The following EFCAB7 variants were observed in gnomAD, a reference collection of about 807,000 sequenced individuals.
The protein encoded by EFCAB7 is EF-hand calcium binding domain 7.
Under a neutral mutation model 77.1 loss-of-function variants are expected in EFCAB7, and 66 were observed. The ratio of observed to expected loss-of-function variants is 0.86; its 90% CI spans 0.70 to 1.05. EFCAB7 has a LOEUF of 1.05. Ranked by LOEUF, EFCAB7 falls within the 50% of genes least tolerant of loss-of-function variation. The pLI is 0.00. For missense variants in EFCAB7, 638 were observed against 730.5 expected (o/e 0.87, Z 1.46); for synonymous variants, 225 against 243.3 (o/e 0.92, Z 0.70).
intron 8 of EFCAB7, among the ~76,000 whole-genome samples, chr1:63,553,287 A>G (rs115476222): frequency 0.033 from 5,017 of 152,240 alleles, 278 homozygotes; most frequent in African/African-American, 0.11. Context: ...CATCTAGCCA[A>G]TTTCAAAGGT....
At position 63,568,430 on chromosome 1, in the gene EFCAB7, G is replaced by C; in HGVS notation, c.1618G>C (p.Gly540Arg). The C allele has an allele frequency of 6.3e-7, 1 of 1,588,656 alleles. No individual in the cohort carries two copies. Among genetic ancestry groups the C allele is most frequent in the East Asian group, 2.3e-5 (1 of 43,534 alleles). Residue 540 changes from glycine to arginine, a missense_variant, in exon 12 of 14, where the codon GGT becomes CGT. Transcript: ENST00000371088. ...KAICKSVLSNGDAKVMDGYEN... is the reference protein window; with the variant it reads ...KAICKSVLSNRDAKVMDGYEN... ...CATTTGTAAATCTGTTCTTAGCAAC[G>C]GTGATGCCAAAGTAATGGATGGCTA... is the stretch of plus-strand genomic sequence containing the variant.
At chr1:63,547,066 C>T (rs1646907026) in intron 7 of EFCAB7, 1 of 152,022 alleles carries the variant, frequency 6.6e-6, no homozygotes, top group South Asian at 2.1e-4. Context: ...TTTTTCCCTC[C>T]TAAAGTAGAG....
chr1:63,557,422 C>A (rs1647045542), intron 10 of EFCAB7, among the ~76,000 whole-genome samples, 175 bp downstream of exon 10: 1 of 151,970 alleles, frequency 6.6e-6, no homozygotes. Context: ...TTTCTTAAAC[C>A]GATAGTTGGT....
At chr1:63,528,856 CCTT>C (rs1646643887) in intron 2 of EFCAB7, among the ~76,000 whole-genome samples, 1 of 152,110 alleles carries the variant, frequency 6.6e-6, no homozygotes, top group Non-Finnish European at 1.5e-5. Flanking sequence ...GTTAACCACT[CCTT>C]GATTCTTTGA....
intron 7 of EFCAB7, chr1:63,549,034 C>G (rs217486): frequency 0.35 from 84,986 of 239,486 alleles, 15,627 homozygotes; most frequent in East Asian, 0.47. Flanking sequence ...AAGAGTATAG[C>G]GCCACTATGA....
intron 10 of EFCAB7, among the ~76,000 whole-genome samples, chr1:63,561,001 A>T (rs566753260): frequency 6.6e-6 from 1 of 152,362 alleles, no homozygotes; most frequent in East Asian, 1.9e-4. Flanking sequence ...ATAGCTAACA[A>T]AATATCCATA....
intron 7 of EFCAB7, among the ~76,000 whole-genome samples, 181 bp from the exon 8 acceptor site, chr1:63,551,544 T>G (rs1450718224): frequency 6.6e-6 from 1 of 151,618 alleles, no homozygotes; most frequent in Non-Finnish European, 1.5e-5. Context: ...TGAACCAAGA[T>G]CGCACCACTG....
chr1:63,527,817 T>C (rs1348761004), intron 2 of EFCAB7: 1 of 152,204 alleles, frequency 6.6e-6, no homozygotes, highest in African/African-American at 2.4e-5. Context: ...AATATTTTCT[T>C]TGTTACTAAA....
intron 6 of EFCAB7, among the ~76,000 whole-genome samples, chr1:63,534,633 T>A (rs1646742097): frequency 6.6e-6 from 1 of 152,154 alleles, no homozygotes; most frequent in Non-Finnish European, 1.5e-5. Context: ...TTCTTTGTTT[T>A]CCCTTTCTAG....
chr1:63,548,914 G>C (rs955821665), intron 7 of EFCAB7: 1 of 154,834 alleles, frequency 6.5e-6, no homozygotes, highest in African/African-American at 2.4e-5. Context: ...TAGGTAGAAG[G>C]CAGGGTTGGC....
chr1:63,531,316 ATGT>A (rs60190636), intron 2 of EFCAB7, among the ~76,000 whole-genome samples: 27,293 of 151,984 alleles, frequency 0.18, 2,544 homozygotes, highest in Middle Eastern at 0.26. Flanking sequence ...TTCACTTAAC[ATGT>A]TGTCCTCCAG....
At position 63,556,747 on chromosome 1, in the gene EFCAB7, G is replaced by C. The variant is rs72918691; in HGVS notation, c.1215-367G>C. 2.4e-3 allele frequency among the ~76,000 whole-genome samples: 366 copies of C among 152,066 alleles called. 2 individuals carry two copies. The highest frequency in any genetic ancestry group is 8.5e-3 in the African/African-American group (351 of 41,452). On this transcript the variant is annotated intron_variant, in intron 9 of 13. Transcript: ENST00000371088. ...CCTCATAGAACCCTTCTTCAGCCAGGCGCGGTGGTTCACGCCTGTAATCCC... is the reference window on the plus strand; with the variant it reads ...CCTCATAGAACCCTTCTTCAGCCAGCCGCGGTGGTTCACGCCTGTAATCCC...
chr1:63,531,800 A>G lies in EFCAB7; in HGVS notation c.188-20A>G. 1 of 1,605,500 alleles carries G rather than the reference A, an allele frequency of 6.2e-7. No homozygotes were observed. Among genetic ancestry groups the G allele is most frequent in the Non-Finnish European group, 8.5e-7 (1 of 1,175,856 alleles). ...ATTCCAGGTGTTACAATCACAAATA[A>G]TACTTGTCTTGTTGGGCAGCTCTTC... is the stretch of plus-strand genomic sequence containing the variant. On this transcript the variant is annotated intron_variant, in intron 2 of 13. Coordinates refer to ENST00000371088, the MANE Select transcript of EFCAB7 (RefSeq NM_032437.4).
chr1:63,533,572 A>C lies in EFCAB7; in HGVS notation c.605A>C (p.Glu202Ala). 6.2e-7 allele frequency: 1 copy of C among 1,611,966 alleles called. No individual in the cohort carries two copies. Among genetic ancestry groups the C allele is most frequent in the Non-Finnish European group, 8.5e-7 (1 of 1,178,786 alleles). ...GGAAACCACATCGAAGGGTCCCCTG[A>C]AAGGGACCCATCACCAGTACCAAAA... ...QFGNHIEGSP[E>A]RDPSPVPKPS... Residue 202 changes from glutamate (E) to alanine (A), a missense_variant, in exon 5 of 14, where the codon GAA becomes GCA. Coordinates refer to ENST00000371088, the MANE Select transcript of EFCAB7 (RefSeq NM_032437.4).
chr1:63,529,432 T>C (rs1646654647), intron 2 of EFCAB7, among the ~76,000 whole-genome samples: 1 of 152,020 alleles, frequency 6.6e-6, no homozygotes. Flanking sequence ...TAAAATTTCT[T>C]GCCAGGCGCG....
intron 11 of EFCAB7, among the ~76,000 whole-genome samples, chr1:63,565,327 C>T (rs767655099): frequency 1.3e-5 from 2 of 151,808 alleles, no homozygotes; most frequent in Non-Finnish European, 2.9e-5. Flanking sequence ...TCACTGCACT[C>T]CAGCCTGGGC....
intron 7 of EFCAB7, chr1:63,550,513 T>C (rs1241169471): frequency 6.6e-6 from 1 of 152,158 alleles, no homozygotes; most frequent in Non-Finnish European, 1.5e-5. Flanking sequence ...TAAGAGTTTG[T>C]AAATTCTAGC....
At chr1:63,540,142 C>CA in intron 6 of EFCAB7, among the ~76,000 whole-genome samples, 1 of 152,126 alleles carries the variant, frequency 6.6e-6, no homozygotes, top group African/African-American at 2.4e-5. Context: ...GTGGGCGGAT[C>CA]ACTTGAGGTC....
intron 7 of EFCAB7, chr1:63,547,166 C>T (rs1228714874): frequency 6.6e-6 from 1 of 152,050 alleles, no homozygotes; most frequent in African/African-American, 2.4e-5. Flanking sequence ...AGTTATTTTT[C>T]AGAGAGAGGA....
Sources: gnomAD v4.1 joint callset for allele counts (sites outside exome capture counted in the v4.1 genomes callset) on GRCh38, gnomAD v4.1.1 for gene constraint, MANE v1.5 for transcripts, NCBI Gene and HGNC (gene_info 2026-07-23, HGNC 2026-07-21) for gene names.